Variants in SLC7A9 observed in about 807,000 individuals in gnomAD.
SLC7A9 encodes solute carrier family 7 member 9, also known as B(0,+)-type amino acid transporter 1.
In SLC7A9, 38 loss-of-function variants were observed where a neutral mutation model predicts 54.1. That is an observed-to-expected ratio of 0.70 (90% confidence interval 0.54 to 0.92). SLC7A9 has a LOEUF of 0.92. SLC7A9 is among the 40% of genes least tolerant of loss of function. The pLI is 0.00. For missense variants in SLC7A9, 537 were observed against 636.1 expected (o/e 0.84, Z 1.68); for synonymous variants, 264 against 258.9 (o/e 1.02, Z -0.19).
At chr19:32,855,586 C>T (rs1001133623) in intron 9 of SLC7A9, among the ~76,000 whole-genome samples, 9 of 152,026 alleles carry the variant, frequency 5.9e-5, no homozygotes, top group Non-Finnish European at 1.3e-4. Context: ...CCTGTAGTCC[C>T]AGCTACTCAG....
In SLC7A9 at chr19:32,864,120, TCA is replaced by T; in HGVS notation, c.452_453del (p.Val151GlufsTer57). Reference protein sequence around the residue: ...YVGCKPPQIVVKCLAAAAILF... With the variant: ...YVGCKPPQIVXKCLAAAAILF... Reference sequence around the variant, plus strand: ...CAGATGGCGGCGGCGGCCAGGCATTTCACAACGATTTGAGGAGGCTTGCAGCC... The same window carrying T: ...CAGATGGCGGCGGCGGCCAGGCATTTCAACGATTTGAGGAGGCTTGCAGCC... On this transcript the variant is annotated frameshift_variant, in exon 4 of 13. Coordinates refer to ENST00000023064, the MANE Select transcript of SLC7A9 (RefSeq NM_014270.5). LOFTEE classifies it high-confidence loss of function. 2 of 1,614,146 alleles carry T rather than the reference TCA, an allele frequency of 1.2e-6. No individual in the cohort carries two copies. Among genetic ancestry groups the T allele is most frequent in the Non-Finnish European group, 1.7e-6 (2 of 1,180,018 alleles).
At chr19:32,847,411 C>T (rs1222029880) in intron 9 of SLC7A9, among the ~76,000 whole-genome samples, 3 of 151,832 alleles carry the variant, frequency 2.0e-5, no homozygotes, top group African/African-American at 4.8e-5. Context: ...GGAGCCGATG[C>T]GATCAACTGG....
At chr19:32,848,679 T>G (rs1279218617) in intron 9 of SLC7A9, among the ~76,000 whole-genome samples, 1 of 152,106 alleles carries the variant, frequency 6.6e-6, no homozygotes, top group East Asian at 1.9e-4. Flanking sequence ...CTGCACCAAG[T>G]GGACCTAATA....
chr19:32,836,378 TATTA>T (rs1967960552), intron 11 of SLC7A9, among the ~76,000 whole-genome samples: 1 of 152,236 alleles, frequency 6.6e-6, no homozygotes, highest in African/African-American at 2.4e-5. Flanking sequence ...CTTCTATTTC[TATTA>T]ATATTTCCTC....
At position 32,862,564 on chromosome 19, in the gene SLC7A9, T is replaced by C. The variant is rs781126555; in HGVS notation, c.501A>G (p.Ser167=). 4.3e-6 allele frequency: 7 copies of C among 1,613,934 alleles called. No homozygotes were observed. Among genetic ancestry groups the C allele is most frequent in the Non-Finnish European group, 5.9e-6 (7 of 1,180,032 alleles). The part of the protein sequence containing the change: ...AAILFISTVN[S]LSVRLGSYVQ... Reference sequence around the variant, plus strand: ...CGTAGCTTCCCAGCCGCACGCTCAGTGAGTTCACTGTCGAGATGAACACTG... The same window carrying C: ...CGTAGCTTCCCAGCCGCACGCTCAGCGAGTTCACTGTCGAGATGAACACTG... Residue 167 remains serine, a synonymous_variant, in exon 5 of 13, where the codon TCA becomes TCG. Transcript: ENST00000023064.
chr19:32,859,742 C>T (rs1968737289), intron 8 of SLC7A9, 99 bp downstream of exon 8: 3 of 1,042,004 alleles, frequency 2.9e-6, no homozygotes, highest in Non-Finnish European at 4.5e-6. Context: ...TGAATATCGC[C>T]CTCCTTCCCT....
chr19:32,846,765 C>A (rs144349707), intron 9 of SLC7A9, among the ~76,000 whole-genome samples: 96 of 152,316 alleles, frequency 6.3e-4, no homozygotes, highest in Non-Finnish European at 1.2e-3. Flanking sequence ...GGGAGGCAAC[C>A]CCCCAGTAGG....
At chr19:32,868,271 C>T (rs1052902536) in intron 2 of SLC7A9, among the ~76,000 whole-genome samples, 177 bp downstream of exon 2, 3 of 150,882 alleles carry the variant, frequency 2.0e-5, no homozygotes, top group South Asian at 2.1e-4. Flanking sequence ...AATTCCCTGG[C>T]GAGAGGGAAA....
chr19:32,830,693 A>G lies in SLC7A9; in HGVS notation c.1400-9T>C. 2 of 1,612,658 alleles carry G rather than the reference A, an allele frequency of 1.2e-6. No homozygotes were observed. The highest frequency in any genetic ancestry group is 1.7e-6 in the Non-Finnish European group (2 of 1,178,662). ...GTGCATGGTAATCGGCTCTGAAATA[A>G]GAGTCAAAAATGAGTACAGTTAGTT... On this transcript the variant is annotated splice_polypyrimidine_tract_variant and intron_variant, in intron 12 of 12. Coordinates refer to ENST00000023064, the MANE Select transcript of SLC7A9 (RefSeq NM_014270.5).
At chr19:32,835,696 C>A (rs1048368659) in intron 11 of SLC7A9, among the ~76,000 whole-genome samples, 1 of 151,900 alleles carries the variant, frequency 6.6e-6, no homozygotes, top group African/African-American at 2.4e-5. Flanking sequence ...AAGTTTTTTT[C>A]TGCTTATTAG....
At chr19:32,832,546 C>T (rs1023211000) in intron 12 of SLC7A9, among the ~76,000 whole-genome samples, 19 of 148,522 alleles carry the variant, frequency 1.3e-4, no homozygotes, top group Admixed American at 1.2e-3. Context: ...TGAGACCGCA[C>T]CACTGCACTC....
At chr19:32,856,086 G>A (rs1968618514) in intron 9 of SLC7A9, among the ~76,000 whole-genome samples, 1 of 152,076 alleles carries the variant, frequency 6.6e-6, no homozygotes, top group Admixed American at 6.6e-5. Flanking sequence ...GGGAAATGTT[G>A]GTCAAAGGCT....
chr19:32,857,697 C>T (rs1352455013), intron 9 of SLC7A9, among the ~76,000 whole-genome samples: 1 of 152,158 alleles, frequency 6.6e-6, no homozygotes, highest in Non-Finnish European at 1.5e-5. Context: ...TTCACTGCGG[C>T]AACGTTCATG....
intron 9 of SLC7A9, among the ~76,000 whole-genome samples, chr19:32,856,962 C>T (rs934098522): frequency 2.0e-5 from 3 of 152,146 alleles, no homozygotes; most frequent in Middle Eastern, 3.4e-3. Flanking sequence ...ACCAGCTTGG[C>T]CAAGATGGTG....
In SLC7A9 at chr19:32,868,485, T is replaced by G. The variant is rs541388021; in HGVS notation, c.50A>C (p.Gln17Pro). 28 of 1,614,008 alleles carry G rather than the reference T, an allele frequency of 1.7e-5. 1 individual carries two copies. The South Asian group carries it at 2.9e-4, about 16-fold the overall frequency. Residue 17 changes from glutamine (Q) to proline (P), a missense_variant, in exon 2 of 13, where the codon CAG becomes CCG. Gln to Pro is a moderately conservative substitution (Grantham distance 76). Coordinates refer to ENST00000023064, the MANE Select transcript of SLC7A9 (RefSeq NM_014270.5). ...RKRREDEKSIQSQEPKTTSLQ... is the reference protein window; with the variant it reads ...RKRREDEKSIPSQEPKTTSLQ... ...ACTGGTGGTCTTAGGCTCTTGGCTC[T>G]GGATCGACTTCTCATCCTCTCTCCG...
At chr19:32,837,518 A>C (rs11667137) in intron 11 of SLC7A9, among the ~76,000 whole-genome samples, 1 of 141,030 alleles carries the variant, frequency 7.1e-6, no homozygotes, top group Non-Finnish European at 1.6e-5. Context: ...AAAAAAAAAA[A>C]GAAACCTCAA....
intron 11 of SLC7A9, among the ~76,000 whole-genome samples, chr19:32,840,882 TTGG>T (rs1404887148): frequency 1.3e-5 from 2 of 152,066 alleles, no homozygotes; most frequent in Non-Finnish European, 2.9e-5. Context: ...GAGTCTGGAG[TTGG>T]TGGTAAGACT....
chr19:32,840,638 A>G (rs11670575), intron 11 of SLC7A9, among the ~76,000 whole-genome samples: 17,867 of 151,974 alleles, frequency 0.12, 1,182 homozygotes, highest in Middle Eastern at 0.17. Context: ...GCCAAGTTCC[A>G]TGTCCTTTCT....
At chr19:32,852,945 G>GA (rs1269060047) in intron 9 of SLC7A9, among the ~76,000 whole-genome samples, 1 of 134,268 alleles carries the variant, frequency 7.4e-6, no homozygotes, top group African/African-American at 2.9e-5. Flanking sequence ...ACGGAGTCTC[G>GA]CTCTGTCACC....
Sources: allele counts gnomAD v4.1 joint callset (sites outside exome capture counted in the v4.1 genomes callset), GRCh38; gene constraint gnomAD v4.1.1; transcripts MANE v1.5; gene names NCBI Gene and HGNC (gene_info 2026-07-23, HGNC 2026-07-21).